Variants in TTC29 observed in about 807,000 individuals in gnomAD.
TTC29 encodes the protein tetratricopeptide repeat protein 29.
In TTC29, 49 loss-of-function variants were observed where a neutral mutation model predicts 58.1. That is an observed-to-expected ratio of 0.84 (90% CI 0.67 to 1.07). The LOEUF is 1.07. Ranked by LOEUF, TTC29 falls within the 50% of genes least tolerant of loss-of-function variation. The probability of loss-of-function intolerance (pLI) is 0.00; values close to 1 mark genes in which losing one functional copy is unlikely to be tolerated. For synonymous variants in TTC29, 209 were observed against 196.8 expected (o/e 1.06, Z -0.52); for missense variants, 582 against 555.6 (o/e 1.05, Z -0.48).
chr4:146,873,939 TC>T (rs1453365399), intron 7 of TTC29, among the ~76,000 whole-genome samples: 1 of 152,168 alleles, frequency 6.6e-6, no homozygotes, highest in African/African-American at 2.4e-5. Context: ...TTTATCTTTT[TC>T]TCCTTCCTGA....
chr4:146,917,805 C>T (rs1487132871), intron 4 of TTC29, among the ~76,000 whole-genome samples: 2 of 148,178 alleles, frequency 1.3e-5, no homozygotes, highest in East Asian at 3.9e-4. Flanking sequence ...AAGAGATTGT[C>T]TAATGCAATA....
At chr4:146,911,774 G>T (rs575731967) in intron 4 of TTC29, among the ~76,000 whole-genome samples, 2 of 152,250 alleles carry the variant, frequency 1.3e-5, no homozygotes, top group Admixed American at 1.3e-4. Flanking sequence ...TTATTTTAGG[G>T]AAAAATGAAA....
intron 11 of TTC29, among the ~76,000 whole-genome samples, chr4:146,740,893 G>A (rs1363709973): frequency 6.6e-6 from 1 of 151,820 alleles, no homozygotes; most frequent in Non-Finnish European, 1.5e-5. Context: ...CACCATGACT[G>A]GCTAATTTTT....
chr4:146,915,447 G>A (rs1734161064), intron 4 of TTC29, among the ~76,000 whole-genome samples: 1 of 152,020 alleles, frequency 6.6e-6, no homozygotes, highest in South Asian at 2.1e-4. Flanking sequence ...TCTTTAAAAG[G>A]AGAGAGCAGA....
chr4:146,707,431 G>A, intron 12 of TTC29, 54 bp downstream of exon 12: 2 of 1,266,058 alleles, frequency 1.6e-6, no homozygotes, highest in Non-Finnish European at 2.3e-6. Context: ...ATTATGCTTA[G>A]TATATTGCGC....
chr4:146,779,004 G>GAAAAAAAAAAAGAAAAGAAAAGA (rs71592470), intron 11 of TTC29, among the ~76,000 whole-genome samples: 2 of 79,896 alleles, frequency 2.5e-5, no homozygotes, highest in African/African-American at 9.9e-5. Flanking sequence ...AAAAAAAAAA[G>GAAAAAAAAAAAGAAAAGAAAAGA]AAAAGAAAAG....
intron 11 of TTC29, among the ~76,000 whole-genome samples, chr4:146,717,299 G>A (rs1159225607): frequency 6.6e-6 from 1 of 152,130 alleles, no homozygotes; most frequent in African/African-American, 2.4e-5. Context: ...AGTATTTTGA[G>A]ATGGAGTCTC....
intron 12 of TTC29, 60 bp downstream of exon 12, chr4:146,707,425 T>C: frequency 8.3e-7 from 1 of 1,205,150 alleles, no homozygotes; most frequent in Non-Finnish European, 1.2e-6. Flanking sequence ...AATGAGATTA[T>C]GCTTAGTATA....
chr4:146,873,461 C>T (rs926006804), intron 7 of TTC29, among the ~76,000 whole-genome samples: 4 of 152,156 alleles, frequency 2.6e-5, no homozygotes, highest in Non-Finnish European at 5.9e-5. Context: ...AAGAAGACTG[C>T]TTGACAGGCT....
intron 11 of TTC29, among the ~76,000 whole-genome samples, chr4:146,739,654 G>A (rs1744976897): frequency 6.6e-6 from 1 of 152,194 alleles, no homozygotes; most frequent in Non-Finnish European, 1.5e-5. Flanking sequence ...TCGGAGTGGA[G>A]AGTAATTGGT....
intron 11 of TTC29, among the ~76,000 whole-genome samples, chr4:146,751,422 G>A (rs1745981401): frequency 6.6e-6 from 1 of 152,078 alleles, no homozygotes; most frequent in African/African-American, 2.4e-5. Flanking sequence ...TTTCACTAGT[G>A]GACATAAAAC....
At chr4:146,917,426 T>A (rs888274228) in intron 4 of TTC29, among the ~76,000 whole-genome samples, 3 of 148,566 alleles carry the variant, frequency 2.0e-5, no homozygotes, top group African/African-American at 7.3e-5. Flanking sequence ...ATGATCTTGA[T>A]TTTTTTGCAG....
chr4:146,900,845 C>T (rs1276308609), intron 6 of TTC29, among the ~76,000 whole-genome samples: 1 of 152,024 alleles, frequency 6.6e-6, no homozygotes, highest in East Asian at 1.9e-4. Flanking sequence ...TTATGTTTTT[C>T]ACCACCATAA....
chr4:146,909,929 T>A (rs1387491715), intron 4 of TTC29, among the ~76,000 whole-genome samples: 2 of 152,088 alleles, frequency 1.3e-5, no homozygotes, highest in Non-Finnish European at 2.9e-5. Context: ...ACGCTTACAT[T>A]CTAGGGGCAG....
intron 8 of TTC29, among the ~76,000 whole-genome samples, chr4:146,851,457 A>C (rs1380658959): frequency 6.6e-6 from 1 of 152,086 alleles, no homozygotes; most frequent in East Asian, 1.9e-4. Context: ...GATGAAAAGG[A>C]CCCCATACCC....
rs398051307 is a variant in TTC29 at position 146,810,588 on chromosome 4, C to CTTTT, written c.1102-6907_1102-6904dup. 3.4e-3 allele frequency among the ~76,000 whole-genome samples: 323 copies of CTTTT among 96,190 alleles called. 1 individual carries two copies. The highest frequency in any genetic ancestry group is 4.0e-3 in the East Asian group (13 of 3,234). 63.1% of individuals were successfully genotyped at this position (96,190 alleles called of 152,430 possible). A position where few individuals can be genotyped will look rare whatever the true frequency, so the allele number is the denominator to read the frequency against. ...TAATGAAATATTTTTTACATACCTT[C>CTTTT]TTTTTTTTTTTTTTTTTTTTTGAGG... On this transcript the variant is annotated intron_variant, in intron 10 of 12. Transcript: ENST00000325106.
At chr4:146,726,016 A>G (rs554834540) in intron 11 of TTC29, among the ~76,000 whole-genome samples, 30 of 152,176 alleles carry the variant, frequency 2.0e-4, no homozygotes, top group African/African-American at 7.0e-4. Context: ...AGGACTATTG[A>G]TGTGTACTAC....
intron 8 of TTC29, among the ~76,000 whole-genome samples, chr4:146,848,881 T>C (rs943798009): frequency 6.6e-6 from 1 of 152,216 alleles, no homozygotes; most frequent in African/African-American, 2.4e-5. Flanking sequence ...ATGGATCATA[T>C]AATGTTTTTA....
At chr4:146,777,937 G>T (rs955274175) in intron 11 of TTC29, among the ~76,000 whole-genome samples, 6 of 152,188 alleles carry the variant, frequency 3.9e-5, no homozygotes, top group African/African-American at 7.2e-5. Context: ...AAGCCTAGGG[G>T]TAACAGGATG....
Sources: gnomAD v4.1 joint callset for allele counts (sites outside exome capture counted in the v4.1 genomes callset) on GRCh38, gnomAD v4.1.1 for gene constraint, MANE v1.5 for transcripts, NCBI Gene and HGNC (gene_info 2026-07-23, HGNC 2026-07-21) for gene names.